Variants in DTNB observed in about 807,000 individuals in gnomAD.
DTNB encodes the protein dystrobrevin beta.
Under a neutral mutation model 90.7 loss-of-function variants are expected in DTNB, and 63 were observed. The ratio of observed to expected loss-of-function variants is 0.69; its 90% confidence interval spans 0.57 to 0.86. The LOEUF (loss-of-function observed/expected upper bound fraction) is 0.86, where lower values mean the gene tolerates loss of function less well. Ranked by LOEUF, DTNB falls within the 40% of genes least tolerant of loss-of-function variation. DTNB has a pLI of 0.00. For missense variants in DTNB, 744 were observed against 807.1 expected (o/e 0.92, Z 0.95); for synonymous variants, 277 against 286.7 (o/e 0.97, Z 0.34).
intron 15 of DTNB, among the ~76,000 whole-genome samples, chr2:25,420,262 CT>C (rs56815083): frequency 1.6e-3 from 104 of 63,908 alleles, no homozygotes; most frequent in East Asian, 0.013. Context: ...CAGGCACAGT[CT>C]TTTTTTTTTT....
chr2:25,671,460 T>C (rs2085888324), intron 1 of DTNB, among the ~76,000 whole-genome samples: 1 of 152,240 alleles, frequency 6.6e-6, no homozygotes, highest in Non-Finnish European at 1.5e-5. Context: ...ACAAGAGACC[T>C]GCTGGCTGTA....
intron 2 of DTNB, among the ~76,000 whole-genome samples, chr2:25,652,193 G>A (rs2081076634): frequency 6.6e-6 from 1 of 152,086 alleles, no homozygotes; most frequent in Non-Finnish European, 1.5e-5. Flanking sequence ...ACAGCTCTAG[G>A]TGTTGCCCTA....
intron 3 of DTNB, among the ~76,000 whole-genome samples, chr2:25,634,583 A>G (rs192913765): frequency 0.016 from 1,869 of 114,416 alleles, 3 homozygotes; most frequent in East Asian, 0.033. Context: ...AGAACGGGCC[A>G]GGATGACAAT....
chr2:25,415,934 G>C (rs951511251), intron 16 of DTNB, among the ~76,000 whole-genome samples: 1 of 152,276 alleles, frequency 6.6e-6, no homozygotes, highest in Admixed American at 6.5e-5. Flanking sequence ...AGAGTTTCAT[G>C]AACCATTACA....
At chr2:25,416,598 G>T (rs1338175104) in intron 16 of DTNB, among the ~76,000 whole-genome samples, 2 of 152,242 alleles carry the variant, frequency 1.3e-5, no homozygotes, top group South Asian at 4.2e-4. Flanking sequence ...CCCAGGAGGC[G>T]GAGGTTGCAG....
At position 25,446,093 on chromosome 2, in the gene DTNB, C is replaced by G. The variant is rs545201206; in HGVS notation, c.1257+5455G>C. On this transcript the variant is annotated intron_variant, in intron 12 of 20. Transcript: ENST00000406818. Reference sequence around the variant, plus strand: ...CTTTTAGGATGAATCTTACTGTGACCTCTCTGTCCTTGTGAGAAAGGGTCT... The same window carrying G: ...CTTTTAGGATGAATCTTACTGTGACGTCTCTGTCCTTGTGAGAAAGGGTCT... Among the ~76,000 whole-genome samples, 3 of 152,168 alleles carry G rather than the reference C, an allele frequency of 2.0e-5. No individual in the cohort carries two copies. The East Asian group carries it at 5.8e-4, about 29-fold the overall frequency.
intron 10 of DTNB, among the ~76,000 whole-genome samples, chr2:25,459,950 A>G (rs1406081844): frequency 6.6e-6 from 1 of 152,178 alleles, no homozygotes. Context: ...TTTCTAAAAA[A>G]AATTAAAAGA....
chr2:25,636,932 A>C (rs898622819), intron 3 of DTNB, among the ~76,000 whole-genome samples: 2 of 151,692 alleles, frequency 1.3e-5, no homozygotes, highest in East Asian at 1.9e-4. Context: ...TTTTAAGTTA[A>C]GATTTGTGAG....
At chr2:25,583,158 A>T (rs907182942) in intron 6 of DTNB, among the ~76,000 whole-genome samples, 13 of 151,350 alleles carry the variant, frequency 8.6e-5, no homozygotes, top group African/African-American at 3.2e-4. Flanking sequence ...GAGACAGGAT[A>T]ATGGCTTGAA....
intron 9 of DTNB, among the ~76,000 whole-genome samples, chr2:25,498,847 CAAAAAAAAAAAAA>C (rs34017287): frequency 1.5e-5 from 1 of 65,024 alleles, no homozygotes; most frequent in Non-Finnish European, 2.8e-5. Context: ...AACCCTGTCT[CAAAAAAAAAAAAA>C]AAAAAAAAAG....
intron 9 of DTNB, among the ~76,000 whole-genome samples, chr2:25,499,214 C>T (rs2069828889): frequency 6.6e-6 from 1 of 151,290 alleles, no homozygotes; most frequent in Admixed American, 6.6e-5. Context: ...AAAACAAAAA[C>T]AACCATATCA....
chr2:25,553,959 A>T (rs2151131331), intron 8 of DTNB, among the ~76,000 whole-genome samples: 1 of 152,166 alleles, frequency 6.6e-6, no homozygotes, highest in South Asian at 2.1e-4. Context: ...GAAAAAAAAT[A>T]CAAAGATTTG....
chr2:25,427,021 C>CA lies in DTNB; in HGVS notation c.1554+513dup, dbSNP rs540772250. Among the ~76,000 whole-genome samples the CA allele has an allele frequency of 6.5e-4, 99 of 152,072 alleles. 1 individual carries two copies. In the South Asian group the frequency reaches 7.3e-3, roughly 11 times the overall value. On this transcript the variant is annotated intron_variant, in intron 15 of 20. Transcript: ENST00000406818. ...CAAAACCCCATCTCTACCAAAAATA[C>CA]AAAAAAATTAGCTGGGCGTGGTGGT...
intron 9 of DTNB, among the ~76,000 whole-genome samples, chr2:25,521,643 C>T (rs1227030835): frequency 6.6e-6 from 1 of 152,104 alleles, no homozygotes; most frequent in Non-Finnish European, 1.5e-5. Flanking sequence ...TGATCCACTC[C>T]CCTTGGCCTC....
At chr2:25,591,039 C>T (rs1301787566) in intron 6 of DTNB, among the ~76,000 whole-genome samples, 2 of 152,206 alleles carry the variant, frequency 1.3e-5, no homozygotes, top group Non-Finnish European at 2.9e-5. Flanking sequence ...GTCAGTGCTG[C>T]CCCGAGCGTG....
chr2:25,584,256 T>C (rs1347389440), intron 6 of DTNB, among the ~76,000 whole-genome samples: 2 of 152,202 alleles, frequency 1.3e-5, no homozygotes, highest in East Asian at 1.9e-4. Flanking sequence ...GCCACAATTA[T>C]CTAAAAAGGC....
At chr2:25,559,803 TAA>T (rs2057975342) in intron 8 of DTNB, among the ~76,000 whole-genome samples, 1 of 152,162 alleles carries the variant, frequency 6.6e-6, no homozygotes, top group South Asian at 2.1e-4. Context: ...TATTTTCATA[TAA>T]GACAGATACA....
At chr2:25,427,799 C>CT (rs3832082) in intron 14 of DTNB, 168 bp from the exon 15 acceptor site, 138,275 of 587,192 alleles carry the variant, frequency 0.24, 17,992 homozygotes, top group Non-Finnish European at 0.27. Context: ...GTTTTGCCTA[C>CT]TTCCTGGACT....
At chr2:25,560,016 A>G (rs909595018) in intron 8 of DTNB, among the ~76,000 whole-genome samples, 1 of 152,270 alleles carries the variant, frequency 6.6e-6, no homozygotes, top group African/African-American at 2.4e-5. Flanking sequence ...TGAGAGGCCA[A>G]GGCGGGTGGA....
Sources: gnomAD v4.1 joint callset for allele counts (sites outside exome capture counted in the v4.1 genomes callset) on GRCh38, gnomAD v4.1.1 for gene constraint, MANE v1.5 for transcripts, NCBI Gene and HGNC (gene_info 2026-07-23, HGNC 2026-07-21) for gene names.